CACNA1C: variants seen among roughly 807,000 people sequenced by gnomAD.
The protein encoded by CACNA1C is calcium voltage-gated channel subunit alpha1 C, also known as voltage-dependent L-type calcium channel subunit alpha-1C.
A neutral mutation model predicts 229.0 loss-of-function variants in CACNA1C; 30 were observed. The observed-to-expected ratio is 0.13, with a 90% CI of 0.10 to 0.18. The LOEUF (loss-of-function observed/expected upper bound fraction) is 0.18. Ranked by LOEUF, CACNA1C falls within the 10% of genes least tolerant of loss-of-function variation. The pLI, the probability that CACNA1C is intolerant of heterozygous loss-of-function variation, is 1.00. For synonymous variants in CACNA1C, 1,114 were observed against 1,132.5 expected (o/e 0.98, Z 0.33); for missense variants, 1,658 against 2,845.0 (o/e 0.58, Z 9.49).
In CACNA1C at chr12:2,573,655, G is replaced by A. The variant is rs113797812; in HGVS notation, c.1895+5861G>A. 8.6e-3 allele frequency among the ~76,000 whole-genome samples: 1,310 copies of A among 152,300 alleles called. 29 individuals are homozygous for A. Among genetic ancestry groups the A allele is most frequent in the African/African-American group, 0.03 (1,246 of 41,566 alleles). ...TCGGGAACAGGGATCTAAATCAATG[G>A]TTCTTCACCCTGAGGTCATGACACA... On this transcript the variant is annotated intron_variant, in intron 13 of 46. Coordinates refer to ENST00000399655, the MANE Select transcript of CACNA1C (RefSeq NM_000719.7).
chr12:2,305,654 G>A (rs943933781), intron 3 of CACNA1C, among the ~76,000 whole-genome samples: 2 of 152,136 alleles, frequency 1.3e-5, no homozygotes, highest in Non-Finnish European at 2.9e-5. Context: ...GACCAGCCTA[G>A]GCAACATAGT....
intron 3 of CACNA1C, among the ~76,000 whole-genome samples, chr12:2,219,530 A>G (rs1326981094): frequency 6.6e-6 from 1 of 152,156 alleles, no homozygotes; most frequent in South Asian, 2.1e-4. Flanking sequence ...AGAATGAAGT[A>G]TTTTTGGGGA....
chr12:2,363,646 C>G (rs1442481374), intron 3 of CACNA1C, among the ~76,000 whole-genome samples: 3 of 151,324 alleles, frequency 2.0e-5, no homozygotes, highest in African/African-American at 7.3e-5. Context: ...TTTTTTCTTT[C>G]TTTCCCCTGA....
rs752800134 is a variant in CACNA1C, at chr12:2,593,316, C to T, written c.2634C>T (p.Ser878=). 2.5e-5 allele frequency: 40 copies of T among 1,613,654 alleles called. No individual in the cohort carries two copies. The highest frequency in any genetic ancestry group is 1.6e-4 in the Middle Eastern group (1 of 6,084). Residue 878 remains serine, a synonymous_variant, in exon 19 of 47, where the codon AGC becomes AGT. Transcript: ENST00000399655. ...AGGCAGTGCCCATGCCAGAAGCCAG[C>T]GCGTTTTTCATCTTCAGCTCTAACA... ...KEKAVPMPEA[S]AFFIFSSNNR... is the part of the protein sequence containing the mutation.
intron 3 of CACNA1C, among the ~76,000 whole-genome samples, chr12:2,443,842 A>G (rs2099251507): frequency 6.6e-6 from 1 of 152,228 alleles, no homozygotes; most frequent in Non-Finnish European, 1.5e-5. Context: ...GAAGGAATTA[A>G]CCAAGCTGTC....
Position 2,043,642 on chromosome 12 carries a change from C to CTTT in CACNA1C, c.140-71560_140-71558dup, listed in dbSNP as rs67625680. ...CCAGAGGAGAAGAAAACAGAATATT[C>CTTT]TTTTTTTTTTTTTTTTTTTTTTTTG... On this transcript the variant is annotated intron_variant, in intron 1 of 46. Transcript: ENST00000682462. 3.3e-3 allele frequency among the ~76,000 whole-genome samples: 302 copies of CTTT among 91,378 alleles called. 4 individuals carry two copies. The highest frequency in any genetic ancestry group is 7.2e-3 in the Middle Eastern group (1 of 138). The allele number at this position is 91,378 out of a possible 152,430, so 59.9% of individuals were successfully genotyped here.
chr12:2,169,153 G>T (rs999069529), intron 3 of CACNA1C, among the ~76,000 whole-genome samples: 1 of 152,114 alleles, frequency 6.6e-6, no homozygotes, highest in African/African-American at 2.4e-5. Context: ...AATCGATCCC[G>T]CACTCAGTTC....
intron 3 of CACNA1C, among the ~76,000 whole-genome samples, chr12:2,323,803 G>T (rs1160119015): frequency 6.6e-6 from 1 of 152,022 alleles, no homozygotes; most frequent in African/African-American, 2.4e-5. Flanking sequence ...CATTGTGGGA[G>T]TCCGTGCAGG....
chr12:2,450,571 A>G (rs1466531302), intron 4 of CACNA1C, among the ~76,000 whole-genome samples: 2 of 149,456 alleles, frequency 1.3e-5, no homozygotes. Flanking sequence ...AAAAAAAAAA[A>G]AAAAAAACGC....
chr12:2,502,937 G>A (rs2099763911), intron 7 of CACNA1C, among the ~76,000 whole-genome samples: 1 of 152,134 alleles, frequency 6.6e-6, no homozygotes, highest in African/African-American at 2.4e-5. Flanking sequence ...GGGCCACCCT[G>A]AGATCTTGGG....
chr12:2,590,271 G>C (rs1160042627), intron 18 of CACNA1C, among the ~76,000 whole-genome samples: 2 of 152,188 alleles, frequency 1.3e-5, no homozygotes, highest in Non-Finnish European at 2.9e-5. Flanking sequence ...GTGCTACCCT[G>C]GTTTTACTTT....
intron 5 of CACNA1C, among the ~76,000 whole-genome samples, chr12:2,459,311 G>A (rs549592425): frequency 1.5e-4 from 23 of 151,786 alleles, no homozygotes; most frequent in Admixed American, 1.2e-3. Flanking sequence ...CACTGCGCCC[G>A]GCCAATTGTC....
chr12:2,187,984 C>T (rs1222496195), intron 3 of CACNA1C, among the ~76,000 whole-genome samples: 1 of 152,196 alleles, frequency 6.6e-6, no homozygotes, highest in African/African-American at 2.4e-5. Flanking sequence ...AGCTGCCTTT[C>T]CCCGAAGCCC....
At position 2,691,611 on chromosome 12, in the gene CACNA1C, G is replaced by C. The variant is rs2097789198; in HGVS notation, c.*412G>C. On this transcript the variant is annotated 3_prime_UTR_variant, in exon 47 of 47. Coordinates refer to ENST00000399655, the MANE Select transcript of CACNA1C (RefSeq NM_000719.7). ...GTACGAGCCTCGCTGTCTCCCTAGA[G>C]CCAGGGCCCTGCGGATTTGGAGAAG... 1 of 160,394 alleles carries C rather than the reference G, an allele frequency of 6.2e-6. No individual in the cohort carries two copies. The highest frequency in any genetic ancestry group is 2.0e-4 in the South Asian group (1 of 4,898). 9.9% of individuals were successfully genotyped at this position (160,394 alleles called of 1,614,324 possible). A position where few individuals can be genotyped will look rare whatever the true frequency, so the allele number is the denominator to read the frequency against.
intron 43 of CACNA1C, 64 bp downstream of exon 43, chr12:2,682,742 G>GC (rs1212200068): frequency 8.4e-6 from 13 of 1,542,494 alleles, no homozygotes; most frequent in Non-Finnish European, 1.1e-5. Context: ...GGAGGCAGAG[G>GC]CAGGTCCCTG....
At chr12:2,241,593 G>T (rs2070288079) in intron 3 of CACNA1C, among the ~76,000 whole-genome samples, 2 of 152,156 alleles carry the variant, frequency 1.3e-5, no homozygotes, top group Non-Finnish European at 2.9e-5. Context: ...GGTAGTTCCA[G>T]CTGCTTTGTG....
intron 3 of CACNA1C, among the ~76,000 whole-genome samples, chr12:2,434,547 C>T (rs1033098026): frequency 1.3e-5 from 2 of 152,220 alleles, no homozygotes; most frequent in African/African-American, 4.8e-5. Flanking sequence ...CCGTGGACGT[C>T]CCACTACACT....
intron 9 of CACNA1C, among the ~76,000 whole-genome samples, chr12:2,521,049 C>T (rs191182961): frequency 1.3e-5 from 2 of 152,330 alleles, no homozygotes; most frequent in East Asian, 3.9e-4. Flanking sequence ...GGGGAGTGTC[C>T]AGGCCAAAAC....
intron 1 of CACNA1C, among the ~76,000 whole-genome samples, chr12:2,107,011 G>T (rs1357837700): frequency 1.9e-5 from 2 of 107,222 alleles, no homozygotes; most frequent in African/African-American, 6.8e-5. Flanking sequence ...AAGCCACTGG[G>T]TGCCCACCCC....
Sources: gnomAD v4.1 joint callset for allele counts (sites outside exome capture counted in the v4.1 genomes callset) on GRCh38, gnomAD v4.1.1 for gene constraint, MANE v1.5 for transcripts, NCBI Gene and HGNC (gene_info 2026-07-23, HGNC 2026-07-21) for gene names.